The following NDC80 variants were observed in gnomAD, a reference collection of about 807,000 sequenced individuals.
NDC80 encodes the protein NDC80 kinetochore complex component, also known as kinetochore protein NDC80 homolog.
In NDC80, 69 loss-of-function variants were observed where a neutral mutation model predicts 89.3. The ratio of observed to expected loss-of-function variants is 0.77; its 90% CI spans 0.64 to 0.94. The LOEUF is 0.94. Among genes scored for constraint, NDC80 ranks in the 40% least tolerant of loss-of-function variants. NDC80 has a pLI of 0.00. For missense variants in NDC80, 593 were observed against 739.6 expected (o/e 0.80, Z 2.30); for synonymous variants, 243 against 255.6 (o/e 0.95, Z 0.47).
chr18:2,578,803 C>A, intron 5 of NDC80, 124 bp from the exon 6 acceptor site: 1 of 456,010 alleles, frequency 2.2e-6, no homozygotes, highest in Non-Finnish European at 3.7e-6. Context: ...ACATATCTTA[C>A]CTCTAAACAA....
rs1388681927 is a variant in NDC80 at position 2,587,899 on chromosome 18, A to G, written c.739A>G (p.Asn247Asp). Residue 247 changes from asparagine to aspartate, a missense_variant, in exon 8 of 17, where the codon AAT becomes GAT. Coordinates refer to ENST00000261597, the MANE Select transcript of NDC80 (RefSeq NM_006101.3). Reference sequence around the variant, plus strand: ...TGGTGCCGACAGCTTTGATGAGATGAATGCAGAGCTGCAGTCAAAACTGAG... The same window carrying G: ...TGGTGCCGACAGCTTTGATGAGATGGATGCAGAGCTGCAGTCAAAACTGAG... ...MSGADSFDEMNAELQSKLKDL... is the reference protein window; with the variant it reads ...MSGADSFDEMDAELQSKLKDL... The G allele has an allele frequency of 6.2e-7, 1 of 1,613,708 alleles. No homozygotes were observed. Among genetic ancestry groups the G allele is most frequent in the Non-Finnish European group, 8.5e-7 (1 of 1,179,676 alleles).
chr18:2,616,513 T>A lies in NDC80; in HGVS notation c.1868T>A (p.Ile623Asn). The A allele has an allele frequency of 6.6e-7, 1 of 1,511,016 alleles. No individual in the cohort carries two copies. Among genetic ancestry groups the A allele is most frequent in the African/African-American group, 1.4e-5 (1 of 71,178 alleles). 93.6% of individuals were successfully genotyped at this position (1,511,016 alleles called of 1,614,324 possible). A position where few individuals can be genotyped will look rare whatever the true frequency, so the allele number is the denominator to read the frequency against. The change falls in exon 17 of 17, where the codon ATT (isoleucine) becomes AAT (asparagine). Residue 623 changes from isoleucine (I) to asparagine (N), a missense_variant. By Grantham distance (149) the Ile-to-Asn change is moderately radical. Transcript: ENST00000261597. ...ATGTCAGAAGATCTCTCGGAAAATA[T>A]TAAAGAGATTAGAGATAAGTATGAG... Reference protein sequence around the residue: ...ECMSEDLSENIKEIRDKYEKK... With the variant: ...ECMSEDLSENNKEIRDKYEKK...
intron 13 of NDC80, among the ~76,000 whole-genome samples, chr18:2,602,976 G>A (rs1476209007): frequency 2.0e-5 from 3 of 152,116 alleles, no homozygotes; most frequent in Admixed American, 1.3e-4. Context: ...GGAGAAAGAA[G>A]TATCAACATG....
At chr18:2,574,620 G>GT (rs1038724773) in intron 2 of NDC80, among the ~76,000 whole-genome samples, 1,687 of 151,180 alleles carry the variant, frequency 0.011, 35 homozygotes, top group African/African-American at 0.038. Context: ...TACCTTCAGG[G>GT]TTTTTTTTTA....
chr18:2,610,453 T>A (rs2072736847), intron 15 of NDC80, among the ~76,000 whole-genome samples: 1 of 152,222 alleles, frequency 6.6e-6, no homozygotes, highest in African/African-American at 2.4e-5. Flanking sequence ...CAAATTTTTG[T>A]CTTGCCCAGA....
At chr18:2,579,294 C>T (rs569813637) in intron 6 of NDC80, 1 of 322,418 alleles carries the variant, frequency 3.1e-6, no homozygotes, top group Non-Finnish European at 5.6e-6. Flanking sequence ...TTTATTTTCC[C>T]TCATGAAATT....
At chr18:2,581,760 A>G (rs1378086650) in intron 6 of NDC80, among the ~76,000 whole-genome samples, 1 of 152,192 alleles carries the variant, frequency 6.6e-6, no homozygotes, top group South Asian at 2.1e-4. Context: ...CTTCATGACC[A>G]TACTAATTCC....
chr18:2,604,034 A>T (rs1056079040), intron 13 of NDC80, among the ~76,000 whole-genome samples: 1 of 152,238 alleles, frequency 6.6e-6, no homozygotes, highest in African/African-American at 2.4e-5. Context: ...AATAAAGGTT[A>T]AAGTTAAATA....
Position 2,599,052 on chromosome 18 carries a change from G to A in NDC80, c.1255G>A (p.Ala419Thr), listed in dbSNP as rs2072671116. Reference protein sequence around the residue: ...ETQLAEYHKLARKLKLIPKGA... With the variant: ...ETQLAEYHKLTRKLKLIPKGA... ...ACAATTAGCAGAGTATCACAAATTG[G>A]CTAGAAAATTAAAACTTATTCCTAA... Residue 419 changes from alanine to threonine, a missense_variant, in exon 12 of 17, where the codon GCT becomes ACT. Physicochemically the swap from Ala to Thr is moderately conservative, Grantham distance 58 (BLOSUM62 0). Transcript: ENST00000261597. 8 of 1,611,396 alleles carry A rather than the reference G, an allele frequency of 5.0e-6. No individual in the cohort carries two copies. The East Asian group carries it at 1.1e-4, about 22-fold the overall frequency.
In NDC80 at chr18:2,587,913, G is replaced by A; in HGVS notation, c.753G>A (p.Gln251=). Residue 251 remains glutamine, a synonymous_variant, in exon 8 of 17, where the codon CAG becomes CAA. Coordinates refer to ENST00000261597, the MANE Select transcript of NDC80 (RefSeq NM_006101.3). ...TTGATGAGATGAATGCAGAGCTGCAGTCAAAACTGAGTAAGTGTTCTCGTT... is the reference window on the plus strand; with the variant it reads ...TTGATGAGATGAATGCAGAGCTGCAATCAAAACTGAGTAAGTGTTCTCGTT... The part of the protein sequence containing the change: ...DSFDEMNAEL[Q]SKLKDLFNVD... 1 of 1,613,266 alleles carries A rather than the reference G, an allele frequency of 6.2e-7. No homozygotes were observed. The highest frequency in any genetic ancestry group is 8.5e-7 in the Non-Finnish European group (1 of 1,179,364).
rs1199196424 is a variant in NDC80, at chr18:2,614,588, A to G, written c.1792-1849A>G. On this transcript the variant is annotated intron_variant, in intron 16 of 16. Coordinates refer to ENST00000261597, the MANE Select transcript of NDC80 (RefSeq NM_006101.3). ...GGGAAAGAAAGAAAGAAAGAAAGAA[A>G]GAAAGAAAGAAAGAAAGAAAGAAAG... is the stretch of plus-strand genomic sequence containing the variant. 65 of 19,594 alleles carry G rather than the reference A, an allele frequency of 3.3e-3. 28 individuals carry two copies. The highest frequency in any genetic ancestry group is 0.025 in the African/African-American group (61 of 2,430). The allele number at this position is 19,594 out of a possible 1,614,324, so 1.2% of individuals were successfully genotyped here.
chr18:2,593,014 G>GTGTGTGTA (rs1491194177), intron 10 of NDC80, among the ~76,000 whole-genome samples: 11 of 6,832 alleles, frequency 1.6e-3, no homozygotes, highest in African/African-American at 2.9e-3. Context: ...ATAAACTCTG[G>GTGTGTGTA]TGTGTGTGTG....
At chr18:2,593,802 T>C (rs2072639769) in intron 10 of NDC80, 2 of 265,146 alleles carry the variant, frequency 7.5e-6, no homozygotes, top group Non-Finnish European at 1.5e-5. Context: ...TTATTTGTTT[T>C]AAAACAGAAT....
rs2072712359 is a variant in NDC80, at chr18:2,606,485, A to T, written c.1535A>T (p.Asp512Val). The T allele has an allele frequency of 6.2e-7, 1 of 1,605,562 alleles. No homozygotes were observed. Among genetic ancestry groups the T allele is most frequent in the East Asian group, 2.3e-5 (1 of 44,390 alleles). ...TLKEEVQKLD[D>V]LYQQKIKEAE... ...AAAGAAGAAGTTCAAAAGCTGGATGATCTTTACCAACAAAAAATTAAGGTA... is the reference window on the plus strand; with the variant it reads ...AAAGAAGAAGTTCAAAAGCTGGATGTTCTTTACCAACAAAAAATTAAGGTA... The change falls in exon 14 of 17, where the codon GAT (aspartate) becomes GTT (valine). Residue 512 changes from aspartate (D) to valine (V), a missense_variant. Transcript: ENST00000261597.
chr18:2,610,126 T>C (rs1373961953), intron 15 of NDC80, among the ~76,000 whole-genome samples: 2 of 152,206 alleles, frequency 1.3e-5, no homozygotes, highest in Admixed American at 1.3e-4. Flanking sequence ...CATCCTTTCT[T>C]TAAATAATTT....
chr18:2,575,581 G>A (rs538860569), intron 3 of NDC80, among the ~76,000 whole-genome samples: 154 of 152,034 alleles, frequency 1.0e-3, no homozygotes, highest in African/African-American at 3.4e-3. Context: ...AGACCACCCT[G>A]GGCAACATTG....
At chr18:2,587,461 T>A (rs551352096) in intron 7 of NDC80, among the ~76,000 whole-genome samples, 1 of 152,364 alleles carries the variant, frequency 6.6e-6, no homozygotes, top group African/African-American at 2.4e-5. Context: ...ATTTAAATTT[T>A]TCATCAGGTG....
rs752894903 is a variant in NDC80 at position 2,578,835 on chromosome 18, G to A, written c.477-92G>A. 162 of 692,798 alleles carry A rather than the reference G, an allele frequency of 2.3e-4. 1 individual carries two copies. In the Middle Eastern group the frequency reaches 4.9e-3, roughly 21 times the overall value. 42.9% of individuals were successfully genotyped at this position (692,798 alleles called of 1,614,324 possible). A position where few individuals can be genotyped will look rare whatever the true frequency, so the allele number is the denominator to read the frequency against. On this transcript the variant is annotated intron_variant, in intron 5 of 16. Coordinates refer to ENST00000261597, the MANE Select transcript of NDC80 (RefSeq NM_006101.3). ...ACAAGTCAAGACTGAGTGTGTATGT[G>A]GAATTTTTTAAATGTAACTTCTTGA...
At chr18:2,615,163 G>A (rs2072778926) in intron 16 of NDC80, 1 of 152,142 alleles carries the variant, frequency 6.6e-6, no homozygotes, top group Non-Finnish European at 1.5e-5. Flanking sequence ...GTGGCAATTT[G>A]TTACAGTATC....
Sources: gnomAD v4.1 joint callset for allele counts (sites outside exome capture counted in the v4.1 genomes callset) on GRCh38, gnomAD v4.1.1 for gene constraint, MANE v1.5 for transcripts, NCBI Gene and HGNC (gene_info 2026-07-23, HGNC 2026-07-21) for gene names.